Variants in ST3GAL3 observed in about 807,000 individuals in gnomAD.
The protein encoded by ST3GAL3 is ST3 beta-galactoside alpha-2,3-sialyltransferase 3, also known as CMP-N-acetylneuraminate-beta-1,4-galactoside alpha-2,3-sialyltransferase.
A neutral mutation model predicts 50.1 loss-of-function variants in ST3GAL3; 21 were observed. That is an observed-to-expected ratio of 0.42 (90% CI 0.30 to 0.60). The LOEUF (loss-of-function observed/expected upper bound fraction) is 0.60. Among genes scored for constraint, ST3GAL3 ranks in the 20% least tolerant of loss-of-function variants. The probability of loss-of-function intolerance (pLI) is 0.19; values close to 1 mark genes in which losing one functional copy is unlikely to be tolerated. For synonymous variants in ST3GAL3, 183 were observed against 190.0 expected (o/e 0.96, Z 0.30); for missense variants, 353 against 489.4 (o/e 0.72, Z 2.63).
At chr1:43,817,576 C>CTT (rs879844805) in intron 4 of ST3GAL3, among the ~76,000 whole-genome samples, 40,556 of 109,678 alleles carry the variant, frequency 0.37, 10,722 homozygotes, top group East Asian at 0.6. Flanking sequence ...TTCTTCTTCT[C>CTT]CTTCTCCTCC....
intron 5 of ST3GAL3, among the ~76,000 whole-genome samples, chr1:43,860,415 T>G (rs1354154530): frequency 6.6e-6 from 1 of 152,178 alleles, no homozygotes; most frequent in Non-Finnish European, 1.5e-5. Context: ...GGAAAGTTGC[T>G]AACTCTCATA....
intron 3 of ST3GAL3, among the ~76,000 whole-genome samples, chr1:43,796,527 T>C (rs2058701822): frequency 6.6e-6 from 1 of 152,228 alleles, no homozygotes; most frequent in Admixed American, 6.5e-5. Context: ...AGGACTCTTC[T>C]GAACAGGCTT....
chr1:43,791,638 C>T (rs1035589539), intron 2 of ST3GAL3, among the ~76,000 whole-genome samples: 1 of 152,066 alleles, frequency 6.6e-6, no homozygotes, highest in Non-Finnish European at 1.5e-5. Flanking sequence ...TTCTAGTGTA[C>T]ATTGTAAATT....
intron 7 of ST3GAL3, among the ~76,000 whole-genome samples, chr1:43,898,621 G>A (rs1483278872): frequency 1.3e-5 from 2 of 152,164 alleles, no homozygotes; most frequent in East Asian, 3.9e-4. Flanking sequence ...AAGGGGGCAA[G>A]GCTTAAGTCC....
intron 2 of ST3GAL3, among the ~76,000 whole-genome samples, chr1:43,788,145 T>C (rs1195256312): frequency 1.3e-5 from 2 of 152,254 alleles, no homozygotes; most frequent in African/African-American, 4.8e-5. Context: ...TAAGCATTAC[T>C]ATAATTCTGC....
intron 5 of ST3GAL3, among the ~76,000 whole-genome samples, chr1:43,849,804 C>T (rs754406104): frequency 2.6e-5 from 4 of 152,210 alleles, no homozygotes; most frequent in Non-Finnish European, 5.9e-5. Context: ...TTCTGATTTA[C>T]AGCACACAGC....
intron 5 of ST3GAL3, among the ~76,000 whole-genome samples, chr1:43,849,548 G>A (rs1266254235): frequency 6.6e-6 from 1 of 152,178 alleles, no homozygotes; most frequent in Non-Finnish European, 1.5e-5. Context: ...GGTCGTATAT[G>A]TTTTGCACTT....
chr1:43,813,933 A>T (rs543081765), intron 3 of ST3GAL3, among the ~76,000 whole-genome samples: 313 of 141,308 alleles, frequency 2.2e-3, no homozygotes, highest in Non-Finnish European at 3.7e-3. Context: ...ACACACACAC[A>T]CTGCAACTAT....
chr1:43,901,273 G>A (rs1169597376), intron 9 of ST3GAL3, among the ~76,000 whole-genome samples: 1 of 152,212 alleles, frequency 6.6e-6, no homozygotes, highest in Admixed American at 6.5e-5. Context: ...GCCTCCCTCA[G>A]GGCAAGAGCT....
At chr1:43,759,277 C>A (rs1336453307) in intron 2 of ST3GAL3, among the ~76,000 whole-genome samples, 1 of 151,522 alleles carries the variant, frequency 6.6e-6, no homozygotes, top group East Asian at 2.0e-4. Context: ...AACTCCACCT[C>A]TACTAAAAAT....
chr1:43,878,360 T>C (rs772870119), intron 5 of ST3GAL3, among the ~76,000 whole-genome samples: 1 of 152,112 alleles, frequency 6.6e-6, no homozygotes, highest in Non-Finnish European at 1.5e-5. Context: ...AGTAAAATAT[T>C]TAGTAAATTA....
chr1:43,736,470 A>G, intron 2 of ST3GAL3, 90 bp downstream of exon 2: 1 of 1,611,674 alleles, frequency 6.2e-7, no homozygotes, highest in Admixed American at 1.7e-5. Flanking sequence ...TATTCTTCAG[A>G]GATGGGCAAT....
intron 5 of ST3GAL3, among the ~76,000 whole-genome samples, chr1:43,877,941 G>A (rs1024470742): frequency 1.3e-5 from 2 of 152,164 alleles, no homozygotes; most frequent in Non-Finnish European, 2.9e-5. Context: ...CATTTCTAGG[G>A]GTTCAGAAAG....
At chr1:43,723,339 C>T (rs576291596) in intron 1 of ST3GAL3, among the ~76,000 whole-genome samples, 1 of 152,214 alleles carries the variant, frequency 6.6e-6, no homozygotes, top group African/African-American at 2.4e-5. Context: ...AAACTCCTGA[C>T]CTCAGGTGAT....
chr1:43,849,347 G>A (rs2066858365), intron 5 of ST3GAL3, among the ~76,000 whole-genome samples: 1 of 151,582 alleles, frequency 6.6e-6, no homozygotes, highest in Non-Finnish European at 1.5e-5. Context: ...TGACAGAAAA[G>A]GACTTGATAA....
chr1:43,736,218 C>T lies in ST3GAL3; in HGVS notation c.-30-15C>T. The T allele has an allele frequency of 6.2e-7, 1 of 1,611,956 alleles. No homozygotes were observed. Among genetic ancestry groups the T allele is most frequent in the East Asian group, 2.2e-5 (1 of 44,858 alleles). ...AGTGCTTTGTCTTTTAAGAACTAAA[C>T]TTTTTCTTTTCTAGGTCATTTAGGA... On this transcript the variant is annotated splice_polypyrimidine_tract_variant and intron_variant, in intron 1 of 11. Transcript: ENST00000347631.
intron 9 of ST3GAL3, among the ~76,000 whole-genome samples, chr1:43,901,233 C>A (rs1399529961): frequency 6.6e-6 from 1 of 152,242 alleles, no homozygotes; most frequent in Non-Finnish European, 1.5e-5. Context: ...CCTTTCACAT[C>A]GTTTCCTCTG....
chr1:43,732,277 A>G (rs1189549170), intron 1 of ST3GAL3, among the ~76,000 whole-genome samples: 1 of 152,142 alleles, frequency 6.6e-6, no homozygotes, highest in East Asian at 1.9e-4. Flanking sequence ...TCCAGCTGGG[A>G]TCAGCTGATA....
At chr1:43,905,602 G>T (rs866410992) in intron 9 of ST3GAL3, among the ~76,000 whole-genome samples, 128 of 6,464 alleles carry the variant, frequency 0.02, 18 homozygotes, top group Non-Finnish European at 0.028. Flanking sequence ...TCCCGCCACT[G>T]TTTCTCCCCC....
Sources: allele counts gnomAD v4.1 joint callset (sites outside exome capture counted in the v4.1 genomes callset), GRCh38; gene constraint gnomAD v4.1.1; transcripts MANE v1.5; gene names NCBI Gene and HGNC (gene_info 2026-07-23, HGNC 2026-07-21).